Variants in ANO6 observed in about 807,000 individuals in gnomAD.
The protein encoded by ANO6 is anoctamin 6.
A neutral mutation model predicts 117.5 loss-of-function variants in ANO6; 106 were observed. That is an observed-to-expected ratio of 0.90 (90% CI 0.77 to 1.06). The LOEUF (loss-of-function observed/expected upper bound fraction) is 1.06. ANO6 is among the 50% of genes least tolerant of loss of function. The probability of loss-of-function intolerance (pLI) is 0.00; values close to 1 mark genes in which losing one functional copy is unlikely to be tolerated. For synonymous variants in ANO6, 367 were observed against 385.1 expected (o/e 0.95, Z 0.55); for missense variants, 955 against 1,121.1 (o/e 0.85, Z 2.12).
At chr12:45,370,139 C>T (rs1941786328) in intron 9 of ANO6, among the ~76,000 whole-genome samples, 1 of 152,254 alleles carries the variant, frequency 6.6e-6, no homozygotes, top group Non-Finnish European at 1.5e-5. Context: ...TGCCATCCCA[C>T]CTAGCAAGCT....
intron 1 of ANO6, among the ~76,000 whole-genome samples, chr12:45,250,748 T>A (rs1435292556): frequency 1.4e-5 from 2 of 142,840 alleles, no homozygotes; most frequent in East Asian, 4.1e-4. Flanking sequence ...TTTATGGACA[T>A]GCTCTGGTTA....
intron 2 of ANO6, among the ~76,000 whole-genome samples, chr12:45,308,459 T>C (rs1406550976): frequency 6.6e-6 from 1 of 151,280 alleles, no homozygotes; most frequent in Non-Finnish European, 1.5e-5. Context: ...AAGAGGGAAA[T>C]GGGATCCGAA....
At chr12:45,418,428 G>A (rs1274363442) in intron 17 of ANO6, among the ~76,000 whole-genome samples, 1 of 152,188 alleles carries the variant, frequency 6.6e-6, no homozygotes, top group African/African-American at 2.4e-5. Flanking sequence ...AAAAATGGCA[G>A]TGAGGCCTTT....
chr12:45,371,568 G>T (rs1053957974), intron 9 of ANO6, among the ~76,000 whole-genome samples: 4 of 152,072 alleles, frequency 2.6e-5, no homozygotes, highest in African/African-American at 9.7e-5. Flanking sequence ...CCCCCGAGCA[G>T]CCTAACTGGG....
intron 10 of ANO6, among the ~76,000 whole-genome samples, chr12:45,386,718 A>G (rs1042566068): frequency 6.6e-6 from 1 of 152,096 alleles, no homozygotes; most frequent in African/African-American, 2.4e-5. Flanking sequence ...TGGCTGCCCC[A>G]CCTCCATCAC....
In ANO6 at chr12:45,308,048, A is replaced by ATTTTTTTTTTTTT. The variant is rs1218638312; in HGVS notation, c.150+5967_150+5979dup. Among the ~76,000 whole-genome samples the ATTTTTTTTTTTTT allele has an allele frequency of 2.4e-3, 167 of 69,304 alleles. 41 individuals carry two copies. The highest frequency in any genetic ancestry group is 4.0e-3 in the Admixed American group (17 of 4,200). 45.5% of individuals were successfully genotyped at this position (69,304 alleles called of 152,430 possible). A position where few individuals can be genotyped will look rare whatever the true frequency, so the allele number is the denominator to read the frequency against. On this transcript the variant is annotated intron_variant, in intron 2 of 19. Transcript: ENST00000320560. ...GTGTGTGTCTGTGTGTGTGTGTGTA[A>ATTTTTTTTTTTTT]TTTTTTTTTTTTTTTTTTTTTTTTG...
intron 7 of ANO6, among the ~76,000 whole-genome samples, chr12:45,354,597 G>A (rs1477153491): frequency 2.6e-5 from 4 of 152,132 alleles, no homozygotes; most frequent in South Asian, 2.1e-4. Context: ...TATTCAAGGA[G>A]TTGAAACTGA....
At chr12:45,372,071 C>G (rs992663831) in intron 9 of ANO6, among the ~76,000 whole-genome samples, 5 of 150,898 alleles carry the variant, frequency 3.3e-5, no homozygotes, top group African/African-American at 1.2e-4. Context: ...AATGCAGAAG[C>G]CTCAGGAGCT....
At chr12:45,242,760 T>A (rs1947765985) in intron 1 of ANO6, among the ~76,000 whole-genome samples, 1 of 152,218 alleles carries the variant, frequency 6.6e-6, no homozygotes, top group Non-Finnish European at 1.5e-5. Flanking sequence ...AATTTCAAAG[T>A]GGATTGAGAA....
Position 45,421,286 on chromosome 12 carries a change from T to TC in ANO6, c.2420+13_2420+14insC, listed in dbSNP as rs1565770807. The stretch of plus-strand genomic sequence containing the variant: ...ATACCACATGCAGGCAAGTTCTGCT[T>TC]TACTTGTTTAAAAATGCACTTCATC... On this transcript the variant is annotated intron_variant, in intron 18 of 19. Coordinates refer to ENST00000320560, the MANE Select transcript of ANO6 (RefSeq NM_001025356.3). The TC allele has an allele frequency of 6.2e-7, 1 of 1,612,694 alleles. No homozygotes were observed. The highest frequency in any genetic ancestry group is 1.7e-5 in the Admixed American group (1 of 59,910).
At chr12:45,370,693 T>A (rs1429721210) in intron 9 of ANO6, among the ~76,000 whole-genome samples, 3 of 152,224 alleles carry the variant, frequency 2.0e-5, no homozygotes, top group African/African-American at 7.2e-5. Context: ...TAAAACTTAA[T>A]TTGGAGAAGA....
At chr12:45,409,048 G>T (rs1264379026) in intron 15 of ANO6, among the ~76,000 whole-genome samples, 1 of 152,018 alleles carries the variant, frequency 6.6e-6, no homozygotes, top group Non-Finnish European at 1.5e-5. Context: ...TGATAAGGGG[G>T]AAATGAAAAA....
At chr12:45,411,666 C>A (rs1463271442) in intron 16 of ANO6, among the ~76,000 whole-genome samples, 1 of 152,232 alleles carries the variant, frequency 6.6e-6, no homozygotes, top group East Asian at 1.9e-4. Context: ...AGGGAAACAT[C>A]TTCCGGAAAG....
chr12:45,217,590 G>C (rs1947335544), intron 1 of ANO6, among the ~76,000 whole-genome samples: 1 of 152,176 alleles, frequency 6.6e-6, no homozygotes, highest in East Asian at 1.9e-4. Context: ...TCTTTAAGGA[G>C]AGAGCAAATA....
chr12:45,287,501 G>C (rs1938956068), intron 1 of ANO6, among the ~76,000 whole-genome samples: 1 of 152,196 alleles, frequency 6.6e-6, no homozygotes, highest in African/African-American at 2.4e-5. Context: ...GGAATCTATT[G>C]CACGCTCTTA....
chr12:45,402,085 T>C, intron 13 of ANO6, 65 bp downstream of exon 13: 4 of 1,401,894 alleles, frequency 2.9e-6, no homozygotes, highest in Non-Finnish European at 4.0e-6. Flanking sequence ...AAATAGAGAC[T>C]GTTATCTTTT....
intron 1 of ANO6, among the ~76,000 whole-genome samples, chr12:45,259,502 C>A (rs1185239444): frequency 6.6e-6 from 1 of 152,162 alleles, no homozygotes; most frequent in African/African-American, 2.4e-5. Context: ...AAGACAAATA[C>A]CTCCAGCTGC....
At chr12:45,407,257 C>T (rs61925707) in intron 15 of ANO6, among the ~76,000 whole-genome samples, 8,107 of 152,200 alleles carry the variant, frequency 0.053, 308 homozygotes, top group Non-Finnish European at 0.082. Flanking sequence ...CAAGTAGTTG[C>T]CAGGACAGAA....
intron 3 of ANO6, among the ~76,000 whole-genome samples, chr12:45,346,013 C>A: frequency 1.4e-5 from 2 of 140,284 alleles, no homozygotes; most frequent in Admixed American, 7.4e-5. Context: ...CAAAAGGGGG[C>A]CAAACTTTTA....
Sources: allele counts gnomAD v4.1 joint callset (sites outside exome capture counted in the v4.1 genomes callset), GRCh38; gene constraint gnomAD v4.1.1; transcripts MANE v1.5; gene names NCBI Gene and HGNC (gene_info 2026-07-23, HGNC 2026-07-21).